ADGRV1: variants seen among roughly 807,000 people sequenced by gnomAD.
ADGRV1 encodes the protein G-protein coupled receptor 98.
A neutral mutation model predicts 596.2 loss-of-function variants in ADGRV1; 359 were observed. That is an observed-to-expected ratio of 0.60 (90% CI 0.55 to 0.66). ADGRV1 has a LOEUF of 0.66. Ranked by LOEUF, ADGRV1 falls within the 30% of genes least tolerant of loss-of-function variation. ADGRV1 has a pLI of 0.00. For synonymous variants in ADGRV1, 2,681 were observed against 2,679.2 expected (o/e 1.00, Z -0.02); for missense variants, 7,274 against 7,575.6 (o/e 0.96, Z 1.48).
chr5:91,152,357 A>G (rs1221779615), intron 88 of ADGRV1, among the ~76,000 whole-genome samples: 2 of 152,218 alleles, frequency 1.3e-5, no homozygotes, highest in Non-Finnish European at 2.9e-5. Flanking sequence ...TTCTCAATTT[A>G]GTATATCCTT....
chr5:90,653,421 C>A lies in ADGRV1; in HGVS notation c.3847C>A (p.Leu1283Met), dbSNP rs1473913303. 1 of 1,613,828 alleles carries A rather than the reference C, an allele frequency of 6.2e-7. No individual in the cohort carries two copies. The highest frequency in any genetic ancestry group is 8.5e-7 in the Non-Finnish European group (1 of 1,179,882). Residue 1283 changes from leucine to methionine, a missense_variant, in exon 20 of 90, where the codon CTG (leucine) becomes ATG (methionine). Physicochemically the swap from Leu to Met is conservative, Grantham distance 15 (BLOSUM62 2). Coordinates refer to ENST00000405460, the MANE Select transcript of ADGRV1 (RefSeq NM_032119.4). ...RQQGVFGDVQ[L>M]GWEILSSEFP... ...GCAGGGTGTGTTTGGTGATGTACAA[C>A]TGGGCTGGGAAATACTGTCCAGTGA...
At chr5:90,757,788 T>C (rs1309974755) in intron 57 of ADGRV1, among the ~76,000 whole-genome samples, 1 of 152,220 alleles carries the variant, frequency 6.6e-6, no homozygotes, top group African/African-American at 2.4e-5. Context: ...TTCATACCAT[T>C]TTTTTATCAG....
chr5:90,595,749 C>A (rs1193249426), intron 1 of ADGRV1, among the ~76,000 whole-genome samples: 8 of 140,914 alleles, frequency 5.7e-5, no homozygotes, highest in East Asian at 2.2e-4. Context: ...GGCAGAGGCG[C>A]CCCTCACCTC....
chr5:90,854,039 A>C (rs570970531), intron 80 of ADGRV1, 23 bp from the exon 81 acceptor site: 1 of 1,523,520 alleles, frequency 6.6e-7, no homozygotes, highest in African/African-American at 1.4e-5. Context: ...ACATCATTAT[A>C]TGTTCTGTTT....
At chr5:91,034,780 T>C (rs1035706961) in intron 85 of ADGRV1, among the ~76,000 whole-genome samples, 1 of 152,182 alleles carries the variant, frequency 6.6e-6, no homozygotes, top group African/African-American at 2.4e-5. Flanking sequence ...CAAAACAGCA[T>C]AATGGGTGTT....
intron 15 of ADGRV1, 90 bp from the exon 16 acceptor site, chr5:90,645,878 C>CT (rs1366979389): frequency 9.4e-7 from 1 of 1,058,376 alleles, no homozygotes. Context: ...GTTAATGGTG[C>CT]TTTTTTAAAA....
At position 90,948,134 on chromosome 5, in the gene ADGRV1, A is replaced by T. The variant is rs368957631; in HGVS notation, c.17857-17281A>T. On this transcript the variant is annotated intron_variant, in intron 83 of 89. Coordinates refer to ENST00000405460, the MANE Select transcript of ADGRV1 (RefSeq NM_032119.4). ...TTAACTTGATTTTAAAGCTATCACTAATGAAGTTCAGAAAGTTAAGTAACT... is the reference window on the plus strand; with the variant it reads ...TTAACTTGATTTTAAAGCTATCACTTATGAAGTTCAGAAAGTTAAGTAACT... 3.3e-5 allele frequency among the ~76,000 whole-genome samples: 5 copies of T among 152,266 alleles called. No homozygotes were observed. In the East Asian group the frequency reaches 7.7e-4, roughly 24 times the overall value.
chr5:90,831,863 A>G (rs1764557619), intron 77 of ADGRV1, among the ~76,000 whole-genome samples: 1 of 152,190 alleles, frequency 6.6e-6, no homozygotes, highest in Non-Finnish European at 1.5e-5. Context: ...TTCACTTAAC[A>G]TAATAACCTC....
At chr5:90,858,295 G>A (rs989790148) in intron 82 of ADGRV1, among the ~76,000 whole-genome samples, 9 of 152,126 alleles carry the variant, frequency 5.9e-5, no homozygotes, top group Non-Finnish European at 1.2e-4. Context: ...CCATAATTTT[G>A]TAGTATAATT....
Position 91,023,003 on chromosome 5 carries a change from G to A in ADGRV1, c.18152+37481G>A, listed in dbSNP as rs560217333. On this transcript the variant is annotated intron_variant, in intron 85 of 89. Coordinates refer to ENST00000405460, the MANE Select transcript of ADGRV1 (RefSeq NM_032119.4). ...ACATTTGGGATCCTATGGATCTTTC[G>A]ATAACTATGAAGCCCACAGTTGTCT... is the stretch of plus-strand genomic sequence containing the variant. 5.3e-5 allele frequency among the ~76,000 whole-genome samples: 8 copies of A among 152,190 alleles called. No homozygotes were observed. In the South Asian group the frequency reaches 8.3e-4, roughly 16 times the overall value.
At chr5:90,604,625 A>G (rs1475479598) in intron 1 of ADGRV1, among the ~76,000 whole-genome samples, 1 of 152,148 alleles carries the variant, frequency 6.6e-6, no homozygotes, top group Non-Finnish European at 1.5e-5. Context: ...GATCCTTAAG[A>G]CCGCTTCATA....
intron 87 of ADGRV1, among the ~76,000 whole-genome samples, chr5:91,134,366 T>C (rs1000179863): frequency 1.3e-5 from 2 of 152,056 alleles, no homozygotes; most frequent in African/African-American, 4.8e-5. Context: ...TTTTTGTATG[T>C]TTTGTAAAGA....
intron 84 of ADGRV1, among the ~76,000 whole-genome samples, chr5:90,976,233 T>TATATATAC (rs1554185047): frequency 1.4e-5 from 2 of 146,446 alleles, no homozygotes; most frequent in African/African-American, 5.0e-5. Context: ...TATATATATA[T>TATATATAC]ACACAATGTA....
intron 14 of ADGRV1, 45 bp from the exon 15 acceptor site, chr5:90,644,661 G>T: frequency 6.7e-7 from 1 of 1,482,740 alleles, no homozygotes; most frequent in Non-Finnish European, 9.1e-7. Context: ...CATTTTAAAA[G>T]TTTCGTATGT....
At chr5:90,815,289 G>T (rs996806891) in intron 74 of ADGRV1, among the ~76,000 whole-genome samples, 1 of 152,114 alleles carries the variant, frequency 6.6e-6, no homozygotes, top group Non-Finnish European at 1.5e-5. Flanking sequence ...TTCTGTGAGG[G>T]ATATATAGCC....
chr5:91,000,004 TA>T (rs1171686510), intron 85 of ADGRV1, among the ~76,000 whole-genome samples: 2 of 152,120 alleles, frequency 1.3e-5, no homozygotes, highest in Admixed American at 6.5e-5. Context: ...AATAATGTTA[TA>T]TTTTTCTTAT....
chr5:90,671,822 T>G (rs548374593), intron 21 of ADGRV1, among the ~76,000 whole-genome samples: 5 of 152,106 alleles, frequency 3.3e-5, no homozygotes, highest in African/African-American at 1.2e-4. Context: ...TAAATGATAT[T>G]CCAGCTGCTT....
Position 91,164,022 on chromosome 5 carries a change from A to T in ADGRV1, c.*122A>T. On this transcript the variant is annotated 3_prime_UTR_variant, in exon 90 of 90. Coordinates refer to ENST00000405460, the MANE Select transcript of ADGRV1 (RefSeq NM_032119.4). ...TGAATTGTACTGGATGATTAATACA[A>T]ACGTGATTGTTGTATTTGGAGTATA... 1 of 704,210 alleles carries T rather than the reference A, an allele frequency of 1.4e-6. No homozygotes were observed. Among genetic ancestry groups the T allele is most frequent in the African/African-American group, 1.7e-5 (1 of 57,288 alleles). The allele number at this position is 704,210 out of a possible 1,614,324, so 43.6% of individuals were successfully genotyped here.
At chr5:90,682,573 G>T (rs1232819248) in intron 27 of ADGRV1, among the ~76,000 whole-genome samples, 1 of 152,114 alleles carries the variant, frequency 6.6e-6, no homozygotes, top group Non-Finnish European at 1.5e-5. Flanking sequence ...GCTTCCATAC[G>T]AATAATGAAG....
Sources: gnomAD v4.1 joint callset for allele counts (sites outside exome capture counted in the v4.1 genomes callset) on GRCh38, gnomAD v4.1.1 for gene constraint, MANE v1.5 for transcripts, NCBI Gene and HGNC (gene_info 2026-07-23, HGNC 2026-07-21) for gene names.